ACSF2: variants seen among roughly 807,000 people sequenced by gnomAD.
ACSF2 encodes the protein acyl-CoA synthetase family member 2.
ACSF2 carries 52 observed loss-of-function variants against 79.3 expected under a neutral mutation model. The observed-to-expected ratio is 0.66, with a 90% CI of 0.53 to 0.83. The LOEUF (loss-of-function observed/expected upper bound fraction) is 0.83, where lower values mean the gene tolerates loss of function less well. Among genes scored for constraint, ACSF2 ranks in the 40% least tolerant of loss-of-function variants. The pLI is 0.00. For synonymous variants in ACSF2, 283 were observed against 312.6 expected (o/e 0.91, Z 1.00); for missense variants, 661 against 803.3 (o/e 0.82, Z 2.14).
At chr17:50,469,182 G>T in intron 10 of ACSF2, 1 of 286,682 alleles carries the variant, frequency 3.5e-6, no homozygotes, top group Non-Finnish European at 5.2e-6. Context: ...GAATAGTTAT[G>T]TCTGGAGCCC....
intron 10 of ACSF2, among the ~76,000 whole-genome samples, chr17:50,467,628 G>T (rs900065313): frequency 6.6e-6 from 1 of 152,192 alleles, no homozygotes; most frequent in African/African-American, 2.4e-5. Context: ...AGCTCCTCTG[G>T]AAGGCTCCTC....
At chr17:50,468,535 A>T in intron 10 of ACSF2, 3 of 1,614,246 alleles carry the variant, frequency 1.9e-6, no homozygotes, top group Non-Finnish European at 2.5e-6. Context: ...CGCGGAAGGC[A>T]CCGGCGGCCA....
At position 50,462,284 on chromosome 17, in the gene ACSF2, G is replaced by C. The variant is rs572336359; in HGVS notation, c.608G>C (p.Gly203Ala). The change falls in exon 5 of 16, where the codon GGG (glycine) becomes GCG (alanine). Residue 203 changes from glycine to alanine, a missense_variant. Physicochemically the swap from Gly to Ala is moderately conservative, Grantham distance 60 (BLOSUM62 0). Transcript: ENST00000300441. ...ICPEVENAQP[G>A]ALKSQRLPDL... is the part of the protein sequence containing the mutation. ...CCAGAAGTGGAGAATGCCCAGCCAG[G>C]GGCCTTGAAGAGTCAGAGGTGGGTG... 1 of 1,614,004 alleles carries C rather than the reference G, an allele frequency of 6.2e-7. No homozygotes were observed. Among genetic ancestry groups the C allele is most frequent in the East Asian group, 2.2e-5 (1 of 44,890 alleles).
intron 1 of ACSF2, among the ~76,000 whole-genome samples, chr17:50,438,186 G>C (rs2030583839): frequency 6.6e-6 from 1 of 152,182 alleles, no homozygotes; most frequent in Non-Finnish European, 1.5e-5. Context: ...ATCCTCCTAT[G>C]TACTTTAGAT....
chr17:50,464,706 A>T (rs2032566012), intron 10 of ACSF2: 2 of 426,806 alleles, frequency 4.7e-6, no homozygotes, highest in Admixed American at 2.5e-5. Flanking sequence ...AGAGGAACAG[A>T]GGAAGGATGA....
At chr17:50,433,018 C>T (rs907697390) in intron 1 of ACSF2, among the ~76,000 whole-genome samples, 1 of 152,070 alleles carries the variant, frequency 6.6e-6, no homozygotes, top group African/African-American at 2.4e-5. Context: ...ACCTGACATT[C>T]TGTAATTCTG....
chr17:50,443,136 C>T (rs908481778), intron 1 of ACSF2, among the ~76,000 whole-genome samples: 10 of 152,030 alleles, frequency 6.6e-5, no homozygotes, highest in Admixed American at 2.0e-4. Context: ...TCTCGATCTC[C>T]TGACCTTGTG....
At chr17:50,453,949 T>TA (rs879486952) in intron 1 of ACSF2, among the ~76,000 whole-genome samples, 2,801 of 143,682 alleles carry the variant, frequency 0.019, 95 homozygotes, top group African/African-American at 0.061. Flanking sequence ...CTAGCTAATT[T>TA]AAAAAAAAAA....
chr17:50,426,472 C>G, intron 1 of ACSF2, 83 bp downstream of exon 1: 1 of 1,268,310 alleles, frequency 7.9e-7, no homozygotes, highest in Non-Finnish European at 1.0e-6. Flanking sequence ...TTCGGAAGCC[C>G]CACCTCTGGA....
chr17:50,458,783 G>A (rs1352011430), intron 1 of ACSF2, among the ~76,000 whole-genome samples: 1 of 152,192 alleles, frequency 6.6e-6, no homozygotes, highest in East Asian at 1.9e-4. Context: ...AGTATGGGTG[G>A]CCCCAGGGCC....
At chr17:50,466,627 C>A (rs2032748475) in intron 10 of ACSF2, among the ~76,000 whole-genome samples, 1 of 152,178 alleles carries the variant, frequency 6.6e-6, no homozygotes, top group Admixed American at 6.5e-5. Context: ...GGCCCAGGCT[C>A]CCCACAGTCC....
chr17:50,438,131 A>T (rs1416906339), intron 1 of ACSF2, among the ~76,000 whole-genome samples: 1 of 152,196 alleles, frequency 6.6e-6, no homozygotes, highest in African/African-American at 2.4e-5. Flanking sequence ...AAATCCTTGG[A>T]TGCTCAAGCC....
intron 1 of ACSF2, among the ~76,000 whole-genome samples, chr17:50,448,496 A>G (rs1199364299): frequency 6.6e-6 from 1 of 152,236 alleles, no homozygotes; most frequent in East Asian, 1.9e-4. Context: ...TGTCACTCCC[A>G]TAGCAAATGT....
At chr17:50,452,537 G>A (rs1049431956) in intron 1 of ACSF2, among the ~76,000 whole-genome samples, 1 of 151,020 alleles carries the variant, frequency 6.6e-6, no homozygotes, top group African/African-American at 2.4e-5. Context: ...CCGGGGGAGG[G>A]AGAGCATCAG....
chr17:50,463,782 C>T lies in ACSF2; in HGVS notation c.1047-36C>T, dbSNP rs778480260. The stretch of plus-strand genomic sequence containing the variant: ...GGTGAGAACAGGGAGTTCCCTTCCA[C>T]TTCCAAGCCTAATTTCGAGACCTCC... On this transcript the variant is annotated intron_variant, in intron 8 of 15. Coordinates refer to ENST00000300441, the MANE Select transcript of ACSF2 (RefSeq NM_025149.6). The surrounding 1 kb of genome is among the most constrained non-coding windows in gnomAD (Gnocchi z 4.6). 3.7e-5 allele frequency: 59 copies of T among 1,598,796 alleles called. No homozygotes were observed. Among genetic ancestry groups the T allele is most frequent in the Non-Finnish European group, 4.5e-5 (53 of 1,167,036 alleles).
At chr17:50,456,713 G>A (rs758837529) in intron 1 of ACSF2, among the ~76,000 whole-genome samples, 2 of 150,902 alleles carry the variant, frequency 1.3e-5, no homozygotes, top group Non-Finnish European at 2.9e-5. Flanking sequence ...GCCTGACAAC[G>A]AGAGCGAAAC....
intron 1 of ACSF2, among the ~76,000 whole-genome samples, chr17:50,449,157 CAGGCG>C (rs1321495691): frequency 6.6e-6 from 1 of 151,468 alleles, no homozygotes; most frequent in East Asian, 1.9e-4. Context: ...GCCGGGACTA[CAGGCG>C]CCCACCACAA....
intron 4 of ACSF2, 104 bp downstream of exon 4, chr17:50,461,790 GC>G (rs1195489386): frequency 7.1e-7 from 1 of 1,417,650 alleles, no homozygotes; most frequent in Admixed American, 1.7e-5. Context: ...GCATGCATAG[GC>G]GGGTGATACG....
chr17:50,452,930 G>A lies in ACSF2; in HGVS notation c.129-7747G>A, dbSNP rs542585647. Among the ~76,000 whole-genome samples, 10 of 152,302 alleles carry A rather than the reference G, an allele frequency of 6.6e-5. No homozygotes were observed. In the South Asian group the frequency reaches 2.1e-3, roughly 32 times the overall value. On this transcript the variant is annotated intron_variant, in intron 1 of 15. Transcript: ENST00000300441. ...CCCAGTTTCTTGGGATCAGTTAGTA[G>A]AAATTGTGGAATAATAAAATTGAGG...
Sources: allele counts gnomAD v4.1 joint callset (sites outside exome capture counted in the v4.1 genomes callset), GRCh38; gene constraint gnomAD v4.1.1; non-coding constraint Gnocchi (gnomAD v3.1); transcripts MANE v1.5; gene names NCBI Gene and HGNC (gene_info 2026-07-23, HGNC 2026-07-21).